The following TUBA3E variants were observed in gnomAD, a reference collection of about 807,000 sequenced individuals.
TUBA3E encodes the protein tubulin alpha 3e.
A neutral mutation model predicts 36.7 loss-of-function variants in TUBA3E; 21 were observed. That is an observed-to-expected ratio of 0.57 (90% CI 0.41 to 0.83). The LOEUF is 0.83. Among genes scored for constraint, TUBA3E ranks in the 40% least tolerant of loss-of-function variants. The pLI is 0.00. For synonymous variants in TUBA3E, 177 were observed against 241.9 expected (o/e 0.73, Z 2.49); for missense variants, 469 against 604.2 (o/e 0.78, Z 2.35).
Position 130,196,052 on chromosome 2 carries a change from T to C in TUBA3E, c.226+97A>G, listed in dbSNP as rs1690394452. On this transcript the variant is annotated intron_variant, in intron 2 of 4. Transcript: ENST00000312988. The stretch of plus-strand genomic sequence containing the variant: ...CATGGGCATATGCCTGTCTATCCCA[T>C]CCTTTCAGCAGGAGGATTCAAAGGA... 14 of 1,359,344 alleles carry C rather than the reference T, an allele frequency of 1.0e-5. No individual in the cohort carries two copies. In the East Asian group the frequency reaches 3.5e-4, roughly 34 times the overall value. The allele number at this position is 1,359,344 out of a possible 1,614,324, so 84.2% of individuals were successfully genotyped here.
chr2:130,195,029 A>G, intron 3 of TUBA3E, 50 bp downstream of exon 3: 1 of 1,602,192 alleles, frequency 6.2e-7, no homozygotes, highest in Non-Finnish European at 8.5e-7. Context: ...CATTCCAAGA[A>G]CTACCCCTCC....
chr2:130,196,859 C>T (rs1367919036), intron 1 of TUBA3E, among the ~76,000 whole-genome samples: 4 of 152,218 alleles, frequency 2.6e-5, no homozygotes, highest in African/African-American at 9.6e-5. Flanking sequence ...ACCACCTGCT[C>T]TGTGCTCTCG....
Position 130,192,032 on chromosome 2 carries a change from A to G in TUBA3E, c.1152T>C (p.Ile384=). 6.2e-7 allele frequency: 1 copy of G among 1,614,092 alleles called. No homozygotes were observed. Among genetic ancestry groups the G allele is most frequent in the East Asian group, 2.2e-5 (1 of 44,856 alleles). Residue 384 remains isoleucine, a synonymous_variant, in exon 5 of 5, where the codon ATT becomes ATC. Coordinates refer to ENST00000312988, the MANE Select transcript of TUBA3E (RefSeq NM_207312.3). ...GGACCAGGCGGGCCCAGGCCTCCGC[A>G]ATGGCCGTGGTGTTGCTCAGCATGC... ...AVCMLSNTTA[I]AEAWARLVHK...
In TUBA3E at chr2:130,197,371, C is replaced by T. The variant is rs190081282; in HGVS notation, c.3+987G>A. 8.7e-3 allele frequency among the ~76,000 whole-genome samples: 1,057 copies of T among 121,732 alleles called. 102 individuals carry two copies. Among genetic ancestry groups the T allele is most frequent in the African/African-American group, 0.029 (993 of 34,134 alleles). 79.9% of individuals were successfully genotyped at this position (121,732 alleles called of 152,430 possible). A position where few individuals can be genotyped will look rare whatever the true frequency, so the allele number is the denominator to read the frequency against. ...GTGTGGTGGCACACACCTGTAGTAC[C>T]AGCTACTCGGAAGGCTGAGGCGGGA... is the stretch of plus-strand genomic sequence containing the variant. On this transcript the variant is annotated intron_variant, in intron 1 of 4. Transcript: ENST00000312988.
At position 130,197,995 on chromosome 2, in the gene TUBA3E, C is replaced by T. The variant is rs1246548751; in HGVS notation, c.3+363G>A. Among the ~76,000 whole-genome samples, 3 of 123,352 alleles carry T rather than the reference C, an allele frequency of 2.4e-5. 1 individual carries two copies. Among genetic ancestry groups the T allele is most frequent in the East Asian group, 2.6e-4 (1 of 3,826 alleles). The allele number at this position is 123,352 out of a possible 152,430, so 80.9% of individuals were successfully genotyped here. A position where few individuals can be genotyped will look rare whatever the true frequency, so the allele number is the denominator to read the frequency against. On this transcript the variant is annotated intron_variant, in intron 1 of 4. Transcript: ENST00000312988. ...CTGACCAATGTCCACAGCCCCAACC[C>T]CCGTCACCGAAGGCTCCTGCAGCTC...
rs1403638032 is a variant in TUBA3E at position 130,192,126 on chromosome 2, A to G, written c.1058T>C (p.Val353Ala). 1 of 1,591,492 alleles carries G rather than the reference A, an allele frequency of 6.3e-7. No homozygotes were observed. Among genetic ancestry groups the G allele is most frequent in the Non-Finnish European group, 8.6e-7 (1 of 1,168,104 alleles). ...TGTGGGGGGCTGGTAGTTAATGCCC[A>G]CCTGCCAGAGAAGGGAAAGAAAGCA... is the stretch of plus-strand genomic sequence containing the variant. ...FVDWCPTGFK[V>A]GINYQPPTVV... The change falls in exon 5 of 5, where the codon GTG becomes GCG. Residue 353 changes from valine (V) to alanine (A), a missense_variant and splice_region_variant. By Grantham distance (64) the Val-to-Ala change is moderately conservative. This residue lies in a region of TUBA3E where 296 missense variants were observed against 346.9 expected (regional missense o/e 0.85). Coordinates refer to ENST00000312988, the MANE Select transcript of TUBA3E (RefSeq NM_207312.3).
At chr2:130,193,538 G>A (rs1465675483) in intron 4 of TUBA3E, among the ~76,000 whole-genome samples, 2 of 150,858 alleles carry the variant, frequency 1.3e-5, no homozygotes, top group East Asian at 3.9e-4. Context: ...GAACCCGGGA[G>A]GCAGAGGTTG....
At chr2:130,192,838 G>A (rs1048674681) in intron 4 of TUBA3E, among the ~76,000 whole-genome samples, 1 of 152,204 alleles carries the variant, frequency 6.6e-6, no homozygotes, top group African/African-American at 2.4e-5. Context: ...GCTCAAGCCT[G>A]TGACCCCAGC....
chr2:130,194,228 T>A lies in TUBA3E; in HGVS notation c.614A>T (p.Asp205Val), dbSNP rs766767753. 33 of 1,612,390 alleles carry A rather than the reference T, an allele frequency of 2.0e-5. No individual in the cohort carries two copies. The Admixed American group carries it at 5.5e-4, about 27-fold the overall frequency. Residue 205 changes from aspartate to valine, a missense_variant, in exon 4 of 5, where the codon GAC becomes GTC. Coordinates refer to ENST00000312988, the MANE Select transcript of TUBA3E (RefSeq NM_207312.3). ...LEHSDCAFMVDNEAIYDICRR... is the reference protein window; with the variant it reads ...LEHSDCAFMVVNEAIYDICRR... ...ACATATGTCATAGATGGCTTCATTG[T>A]CGACCATGAAGGCACAGTCAGAATG...
rs1369330640 is a variant in TUBA3E at position 130,194,082 on chromosome 2, C to T, written c.760G>A (p.Glu254Lys). ...TACGGCACGAGGTTGGTCTGGAATTCCGTCAAGTCCACATTCAGGGCCCCA... is the reference window on the plus strand; with the variant it reads ...TACGGCACGAGGTTGGTCTGGAATTTCGTCAAGTCCACATTCAGGGCCCCA... The part of the protein sequence containing the change: ...FDGALNVDLT[E>K]FQTNLVPYPR... Residue 254 changes from glutamate (E) to lysine (K), a missense_variant, in exon 4 of 5, where the codon GAA becomes AAA. Glu to Lys is a moderately conservative substitution (Grantham distance 56). Coordinates refer to ENST00000312988, the MANE Select transcript of TUBA3E (RefSeq NM_207312.3). 1 of 1,614,176 alleles carries T rather than the reference C, an allele frequency of 6.2e-7. No individual in the cohort carries two copies.
chr2:130,198,328 T>C lies in TUBA3E; in HGVS notation c.3+30A>G. 5 of 1,353,296 alleles carry C rather than the reference T, an allele frequency of 3.7e-6. 2 individuals carry two copies. Among genetic ancestry groups the C allele is most frequent in the Non-Finnish European group, 5.0e-6 (5 of 992,440 alleles). 83.8% of individuals were successfully genotyped at this position (1,353,296 alleles called of 1,614,324 possible). On this transcript the variant is annotated intron_variant, in intron 1 of 4. Transcript: ENST00000312988. ...GAGGCCAACTTCGTCTGCCTGGGCA[T>C]CTGCGGGGCGGGAGTGACCCGGGTC...
In TUBA3E at chr2:130,192,062, G is replaced by A. The variant is rs142556135; in HGVS notation, c.1122C>T (p.Ala374=). The A allele has an allele frequency of 2.1e-5, 34 of 1,613,512 alleles. No individual in the cohort carries two copies. The African/African-American group carries it at 2.9e-4, about 14-fold the overall frequency. Residue 374 remains alanine (A), a synonymous_variant, in exon 5 of 5, where the codon GCC becomes GCT. Coordinates refer to ENST00000312988, the MANE Select transcript of TUBA3E (RefSeq NM_207312.3). The part of the protein sequence containing the change: ...PGGDLAKVQR[A]VCMLSNTTAI... ...CCGTGGTGTTGCTCAGCATGCACACGGCCCGCTGCACCTTGGCCAGGTCTC... is the reference window on the plus strand; with the variant it reads ...CCGTGGTGTTGCTCAGCATGCACACAGCCCGCTGCACCTTGGCCAGGTCTC...
At chr2:130,196,013 T>C in intron 2 of TUBA3E, 136 bp downstream of exon 2, 1 of 1,393,876 alleles carries the variant, frequency 7.2e-7, no homozygotes, top group East Asian at 2.5e-5. Context: ...TTTCAGTTTC[T>C]CTCCTAACAA....
In TUBA3E at chr2:130,197,997, C is replaced by T. The variant is rs1300564140; in HGVS notation, c.3+361G>A. On this transcript the variant is annotated intron_variant, in intron 1 of 4. Coordinates refer to ENST00000312988, the MANE Select transcript of TUBA3E (RefSeq NM_207312.3). ...GACCAATGTCCACAGCCCCAACCCC[C>T]GTCACCGAAGGCTCCTGCAGCTCCT... Among the ~76,000 whole-genome samples, 3 of 123,402 alleles carry T rather than the reference C, an allele frequency of 2.4e-5. 1 individual carries two copies. The Admixed American group carries it at 2.7e-4, about 11-fold the overall frequency. 81.0% of individuals were successfully genotyped at this position (123,402 alleles called of 152,430 possible). A position where few individuals can be genotyped will look rare whatever the true frequency, so the allele number is the denominator to read the frequency against.
At chr2:130,196,671 C>T (rs558850009) in intron 1 of TUBA3E, among the ~76,000 whole-genome samples, 2 of 152,274 alleles carry the variant, frequency 1.3e-5, no homozygotes, top group Admixed American at 1.3e-4. Context: ...CACATTATAG[C>T]CCGTCACAGT....
chr2:130,194,994 T>G, intron 3 of TUBA3E, 85 bp downstream of exon 3: 3 of 1,578,766 alleles, frequency 1.9e-6, no homozygotes, highest in Non-Finnish European at 2.6e-6. Flanking sequence ...CTGGTCTAAG[T>G]GTTGATAAAA....
At position 130,198,118 on chromosome 2, in the gene TUBA3E, T is replaced by C. The variant is rs185119711; in HGVS notation, c.3+240A>G. ...ACTATTTGCTCTCTGGGGGACGGGA[T>C]ACCGTCAATGGTCCCCGTCCACTAA... On this transcript the variant is annotated intron_variant, in intron 1 of 4. Coordinates refer to ENST00000312988, the MANE Select transcript of TUBA3E (RefSeq NM_207312.3). Among the ~76,000 whole-genome samples the C allele has an allele frequency of 9.0e-5, 11 of 122,658 alleles. 3 individuals carry two copies. The highest frequency in any genetic ancestry group is 1.4e-4 in the Non-Finnish European group (8 of 55,670). The allele number at this position is 122,658 out of a possible 152,430, so 80.5% of individuals were successfully genotyped here.
chr2:130,192,026 C>T lies in TUBA3E; in HGVS notation c.1158G>A (p.Glu386=), dbSNP rs751904806. 19 of 1,614,158 alleles carry T rather than the reference C, an allele frequency of 1.2e-5. No homozygotes were observed. The highest frequency in any genetic ancestry group is 1.6e-5 in the Non-Finnish European group (19 of 1,180,032). ...CMLSNTTAIA[E]AWARLVHKFD... The stretch of plus-strand genomic sequence containing the variant: ...ACTTATGGACCAGGCGGGCCCAGGC[C>T]TCCGCAATGGCCGTGGTGTTGCTCA... Residue 386 remains glutamate, a synonymous_variant, in exon 5 of 5, where the codon GAG becomes GAA. Coordinates refer to ENST00000312988, the MANE Select transcript of TUBA3E (RefSeq NM_207312.3).
At chr2:130,196,615 A>AGGTTATTTTAAAACTTG (rs1381172330) in intron 1 of TUBA3E, among the ~76,000 whole-genome samples, 1 of 152,206 alleles carries the variant, frequency 6.6e-6, no homozygotes, top group African/African-American at 2.4e-5. Context: ...CACAAAACTT[A>AGGTTATTTTAAAACTTG]GGTTATTTTA....
Sources: gnomAD v4.1 joint callset for allele counts (sites outside exome capture counted in the v4.1 genomes callset) on GRCh38, gnomAD v4.1.1 for gene constraint, gnomAD v4.1.1 regional missense constraint, MANE v1.5 for transcripts, NCBI Gene and HGNC (gene_info 2026-07-23, HGNC 2026-07-21) for gene names.